The following RSPO2 variants were observed in gnomAD, a reference collection of about 807,000 sequenced individuals.
RSPO2 encodes the protein R-spondin 2, also known as R-spondin-2.
In RSPO2, 14 loss-of-function variants were observed where a neutral mutation model predicts 30.9. That is an observed-to-expected ratio of 0.45 (90% CI 0.30 to 0.71). The LOEUF (loss-of-function observed/expected upper bound fraction) is 0.71, where lower values mean the gene tolerates loss of function less well. Among genes scored for constraint, RSPO2 ranks in the 30% least tolerant of loss-of-function variants. RSPO2 has a pLI of 0.08. For synonymous variants in RSPO2, 107 were observed against 96.4 expected (o/e 1.11, Z -0.64); for missense variants, 264 against 301.9 (o/e 0.87, Z 0.93).
chr8:108,031,896 C>T (rs1252193622), intron 2 of RSPO2, among the ~76,000 whole-genome samples: 2 of 151,954 alleles, frequency 1.3e-5, no homozygotes, highest in African/African-American at 4.8e-5. Flanking sequence ...ATGCCCCACA[C>T]CTTACCTGTA....
Position 107,901,123 on chromosome 8 carries a change from G to C in RSPO2, c.684C>G (p.Ala228=), listed in dbSNP as rs1586522142. ...KKKKRKLIER[A]QEQHSVFLAT... is the part of the protein sequence containing the mutation. ...CTAGGAAGACGCTGTGTTGCTCCTG[G>C]GCCCTTTCTATCAGCTTCCTTTTCT... Residue 228 remains alanine, a synonymous_variant, in exon 6 of 6, where the codon GCC becomes GCG. Transcript: ENST00000276659. The C allele has an allele frequency of 6.2e-7, 1 of 1,613,916 alleles. No homozygotes were observed. The highest frequency in any genetic ancestry group is 8.5e-7 in the Non-Finnish European group (1 of 1,179,954).
Position 107,900,932 on chromosome 8 carries a change from T to G in RSPO2, c.*143A>C, listed in dbSNP as rs1032729830. The G allele has an allele frequency of 1.5e-5, 12 of 803,774 alleles. No homozygotes were observed. The highest frequency in any genetic ancestry group is 2.4e-5 in the Non-Finnish European group (12 of 506,140). 49.8% of individuals were successfully genotyped at this position (803,774 alleles called of 1,614,324 possible). ...ATAAATAACACAGGGGCCATGCTGG[T>G]GGTGCTTCCTTTCACCATGTTACTG... On this transcript the variant is annotated 3_prime_UTR_variant, in exon 6 of 6. Transcript: ENST00000276659.
At chr8:108,020,077 CAAA>C (rs34726560) in intron 2 of RSPO2, among the ~76,000 whole-genome samples, 3 of 111,028 alleles carry the variant, frequency 2.7e-5, no homozygotes, top group African/African-American at 3.7e-5. Flanking sequence ...ATAAAAATTA[CAAA>C]AAAAAAAAAA....
chr8:107,909,882 G>A (rs762818516), intron 5 of RSPO2, among the ~76,000 whole-genome samples: 5 of 152,164 alleles, frequency 3.3e-5, no homozygotes, highest in African/African-American at 1.2e-4. Context: ...CCCTATAAGT[G>A]CTTTATATCC....
intron 5 of RSPO2, among the ~76,000 whole-genome samples, chr8:107,930,884 G>C (rs1303406544): frequency 1.3e-5 from 2 of 152,050 alleles, no homozygotes; most frequent in Non-Finnish European, 2.9e-5. Flanking sequence ...CATATAATAT[G>C]GTTCGAATCC....
chr8:107,929,723 G>A (rs1020189452), intron 5 of RSPO2, among the ~76,000 whole-genome samples: 3 of 152,026 alleles, frequency 2.0e-5, no homozygotes, highest in Admixed American at 6.6e-5. Flanking sequence ...ATATATTATA[G>A]GAAACTTAGA....
At chr8:107,913,760 T>C (rs747336484) in intron 5 of RSPO2, among the ~76,000 whole-genome samples, 1 of 152,188 alleles carries the variant, frequency 6.6e-6, no homozygotes, top group Non-Finnish European at 1.5e-5. Flanking sequence ...AATGAGTTCA[T>C]GTCTCCTCAA....
At chr8:107,926,962 A>C (rs1351390606) in intron 5 of RSPO2, among the ~76,000 whole-genome samples, 2 of 152,118 alleles carry the variant, frequency 1.3e-5, no homozygotes, top group African/African-American at 4.8e-5. Flanking sequence ...TGGGGATGGC[A>C]TTGAATCTAT....
At chr8:107,970,403 C>T (rs1021181183) in intron 3 of RSPO2, among the ~76,000 whole-genome samples, 3 of 152,118 alleles carry the variant, frequency 2.0e-5, no homozygotes, top group Non-Finnish European at 4.4e-5. Context: ...TCATAGTTTG[C>T]TGACCCCTAG....
At chr8:107,991,937 T>G (rs989316662) in intron 2 of RSPO2, among the ~76,000 whole-genome samples, 2 of 152,140 alleles carry the variant, frequency 1.3e-5, no homozygotes, top group Non-Finnish European at 2.9e-5. Context: ...CTGTTTGTGA[T>G]AGTGTACATT....
At chr8:108,072,475 G>A (rs979190963) in intron 2 of RSPO2, among the ~76,000 whole-genome samples, 1 of 148,126 alleles carries the variant, frequency 6.8e-6, no homozygotes, top group African/African-American at 2.5e-5. Flanking sequence ...ACAGGCACCC[G>A]CCACCAAGCC....
chr8:107,975,143 C>G (rs929971730), intron 3 of RSPO2, among the ~76,000 whole-genome samples: 1 of 152,154 alleles, frequency 6.6e-6, no homozygotes, highest in Admixed American at 6.5e-5. Context: ...TCAGGTTGTT[C>G]CACTGTACCA....
At chr8:107,910,081 T>C (rs1811773944) in intron 5 of RSPO2, among the ~76,000 whole-genome samples, 1 of 152,152 alleles carries the variant, frequency 6.6e-6, no homozygotes, top group African/African-American at 2.4e-5. Flanking sequence ...CTGTTTTCAT[T>C]TGATTAGGAG....
chr8:107,983,506 C>G (rs1814520900), intron 3 of RSPO2: 2 of 1,599,266 alleles, frequency 1.3e-6, no homozygotes, highest in African/African-American at 2.7e-5. Flanking sequence ...GCCTGAGATT[C>G]AGGGGATCTT....
chr8:108,003,251 A>ATG lies in RSPO2; in HGVS notation c.95-14009_95-14008dup, dbSNP rs1171593916. On this transcript the variant is annotated intron_variant, in intron 2 of 5. Transcript: ENST00000276659. Reference sequence around the variant, plus strand: ...TGTGTGTGTATATATGTATGTATGTATGTGTGTGTGTGTGTGTGTGTGTGT... The same window carrying ATG: ...TGTGTGTGTATATATGTATGTATGTATGTGTGTGTGTGTGTGTGTGTGTGTGT... 6.0e-3 allele frequency among the ~76,000 whole-genome samples: 135 copies of ATG among 22,666 alleles called. 1 individual carries two copies. The highest frequency in any genetic ancestry group is 0.017 in the Middle Eastern group (1 of 58). The allele number at this position is 22,666 out of a possible 152,430, so 14.9% of individuals were successfully genotyped here.
chr8:108,030,958 A>G (rs1399224011), intron 2 of RSPO2, among the ~76,000 whole-genome samples: 1 of 152,212 alleles, frequency 6.6e-6, no homozygotes, highest in Admixed American at 6.5e-5. Context: ...AAAATGGCGA[A>G]TATTTTGCCA....
At chr8:108,077,752 T>C in intron 2 of RSPO2, among the ~76,000 whole-genome samples, 1 of 152,220 alleles carries the variant, frequency 6.6e-6, no homozygotes, top group East Asian at 1.9e-4. Context: ...TATGAAAATG[T>C]ATAAATATAG....
chr8:107,969,590 C>T (rs567064727), intron 3 of RSPO2, among the ~76,000 whole-genome samples: 1 of 152,090 alleles, frequency 6.6e-6, no homozygotes, highest in Non-Finnish European at 1.5e-5. Flanking sequence ...TCAAGTGATG[C>T]ATATTTGAAA....
Position 107,969,537 on chromosome 8 carries a change from A to G in RSPO2, c.284-8720T>C, listed in dbSNP as rs892334075. Among the ~76,000 whole-genome samples the G allele has an allele frequency of 3.9e-5, 6 of 152,190 alleles. No homozygotes were observed. In the South Asian group the frequency reaches 8.3e-4, roughly 21 times the overall value. ...GGCTTGTGTAAAATTATGTGGTCAA[A>G]TAACGAGGAACTCTGAAAATACTGG... On this transcript the variant is annotated intron_variant, in intron 3 of 5. Transcript: ENST00000276659.
Sources: gnomAD v4.1 joint callset for allele counts (sites outside exome capture counted in the v4.1 genomes callset) on GRCh38, gnomAD v4.1.1 for gene constraint, MANE v1.5 for transcripts, NCBI Gene and HGNC (gene_info 2026-07-23, HGNC 2026-07-21) for gene names.